MBOAT4: variants seen among roughly 807,000 people sequenced by gnomAD.
The protein encoded by MBOAT4 is membrane bound ghrelin O-acyltransferase MBOAT4, also known as membrane-bound ghrelin O-acyltransferase MBOAT4.
A neutral mutation model predicts 13.2 loss-of-function variants in MBOAT4; 11 were observed. The ratio of observed to expected loss-of-function variants is 0.84; its 90% CI spans 0.53 to 1.38. The LOEUF (loss-of-function observed/expected upper bound fraction) is 1.38, where lower values mean the gene tolerates loss of function less well. Ranked by LOEUF, MBOAT4 falls within the 40% of genes most tolerant of loss-of-function variation. The pLI, the probability that MBOAT4 is intolerant of heterozygous loss-of-function variation, is 0.00. For missense variants in MBOAT4, 481 were observed against 527.2 expected (o/e 0.91, Z 0.86); for synonymous variants, 202 against 210.3 (o/e 0.96, Z 0.34).
chr8:30,137,648 A>G (rs2117543918), intron 2 of MBOAT4: 6 of 642,962 alleles, frequency 9.3e-6, no homozygotes, highest in Middle Eastern at 8.6e-4. Context: ...GACCTAACCA[A>G]CTCCATCTTG....
At chr8:30,143,374 T>A (rs376203121) in intron 1 of MBOAT4, among the ~76,000 whole-genome samples, 1,783 of 142,558 alleles carry the variant, frequency 0.013, 36 homozygotes, top group African/African-American at 0.023. Flanking sequence ...AAAATATATA[T>A]ATATATATAT....
chr8:30,139,350 CT>C (rs1273802133), intron 1 of MBOAT4, among the ~76,000 whole-genome samples: 2 of 152,048 alleles, frequency 1.3e-5, no homozygotes, highest in African/African-American at 2.4e-5. Flanking sequence ...CCGCCTGCCC[CT>C]GACCGTCCTG....
rs932790045 is a variant in MBOAT4 at position 30,131,882 on chromosome 8, C to T, written c.*61G>A. On this transcript the variant is annotated 3_prime_UTR_variant, in exon 3 of 3. Transcript: ENST00000320542. ...AGTTCAAATGTATGCATTATCGATGCGTCATCTGGCACTTTCTAAAATGTT... is the reference window on the plus strand; with the variant it reads ...AGTTCAAATGTATGCATTATCGATGTGTCATCTGGCACTTTCTAAAATGTT... 25 of 1,478,740 alleles carry T rather than the reference C, an allele frequency of 1.7e-5. No individual in the cohort carries two copies. Among genetic ancestry groups the T allele is most frequent in the Admixed American group, 5.1e-5 (2 of 39,436 alleles). The allele number at this position is 1,478,740 out of a possible 1,614,324, so 91.6% of individuals were successfully genotyped here. A position where few individuals can be genotyped will look rare whatever the true frequency, so the allele number is the denominator to read the frequency against.
intron 1 of MBOAT4, among the ~76,000 whole-genome samples, chr8:30,141,204 C>T (rs1803255182): frequency 6.6e-6 from 1 of 152,118 alleles, no homozygotes; most frequent in Non-Finnish European, 1.5e-5. Flanking sequence ...ATGCCTCTCT[C>T]AGAAGCCAAG....
In MBOAT4 at chr8:30,132,218, C is replaced by A. The variant is rs1260508354; in HGVS notation, c.1033G>T (p.Val345Leu). 1 of 1,551,858 alleles carries A rather than the reference C, an allele frequency of 6.4e-7. No homozygotes were observed. The highest frequency in any genetic ancestry group is 8.7e-7 in the Non-Finnish European group (1 of 1,147,040). ...ACGGCCCAGCAAACGAAACCAAACACCTGTCCTGGATGGAGTCCATGCCAC... is the reference window on the plus strand; with the variant it reads ...ACGGCCCAGCAAACGAAACCAAACAACTGTCCTGGATGGAGTCCATGCCAC... The part of the protein sequence containing the change: ...AWWHGLHPGQ[V>L]FGFVCWAVMV... The change falls in exon 3 of 3, where the codon GTG (valine) becomes TTG (leucine). Residue 345 changes from valine to leucine, a missense_variant. Val to Leu is a conservative substitution (Grantham distance 32). Coordinates refer to ENST00000320542, the MANE Select transcript of MBOAT4 (RefSeq NM_001100916.2).
Position 30,138,742 on chromosome 8 carries a change from A to G in MBOAT4, c.134T>C (p.Leu45Pro), listed in dbSNP as rs1200592671. ...CACGGCCAGGGCACCTCCTCCAGTC[A>G]GGAGAAAGAGGTACCTGAAAGAGAA... ...FSTRARYLFLLTGGGALAVAA... is the reference protein window; with the variant it reads ...FSTRARYLFLPTGGGALAVAA... The change falls in exon 2 of 3, where the codon CTG (leucine) becomes CCG (proline). Residue 45 changes from leucine to proline, a missense_variant. Transcript: ENST00000320542. 21 of 1,549,490 alleles carry G rather than the reference A, an allele frequency of 1.4e-5. No homozygotes were observed. The East Asian group carries it at 5.1e-4, about 38-fold the overall frequency.
rs146255946 is a variant in MBOAT4 at position 30,132,697 on chromosome 8, C to T, written c.554G>A (p.Arg185Gln). The change falls in exon 3 of 3, where the codon CGA becomes CAA. Residue 185 changes from arginine (R) to glutamine (Q), a missense_variant. Coordinates refer to ENST00000320542, the MANE Select transcript of MBOAT4 (RefSeq NM_001100916.2). ...LLGGSLCSFQ[R>Q]FQARVQGSSA... ...GGACCCTTGAACACGAGCCTGAAATCGCTGGAAGGAGCACAGAGAGCCTCC... is the reference window on the plus strand; with the variant it reads ...GGACCCTTGAACACGAGCCTGAAATTGCTGGAAGGAGCACAGAGAGCCTCC... 2.6e-6 allele frequency: 4 copies of T among 1,551,554 alleles called. No individual in the cohort carries two copies. Among genetic ancestry groups the T allele is most frequent in the South Asian group, 2.4e-5 (2 of 84,064 alleles).
intron 1 of MBOAT4, 84 bp from the exon 2 acceptor site, chr8:30,138,840 G>T: frequency 9.6e-7 from 1 of 1,040,284 alleles, no homozygotes; most frequent in Non-Finnish European, 1.4e-6. Flanking sequence ...CAGGGAACCC[G>T]ATCTGGTAGG....
intron 1 of MBOAT4, among the ~76,000 whole-genome samples, chr8:30,140,273 T>G (rs966117792): frequency 1.3e-5 from 2 of 152,126 alleles, no homozygotes; most frequent in Non-Finnish European, 2.9e-5. Flanking sequence ...CTGGCCTCAG[T>G]CTTAGACGCT....
chr8:30,137,174 C>A, intron 2 of MBOAT4: 1 of 930,978 alleles, frequency 1.1e-6, no homozygotes, highest in Non-Finnish European at 1.7e-6. Flanking sequence ...ATGAGATCTC[C>A]AGATCACAAA....
rs1027188255 is a variant in MBOAT4, at chr8:30,132,097, T to G, written c.1154A>C (p.His385Pro). ...GATGTAGGCAATGATCAACTGGGTG[T>G]GGGCCCAGGTGAGGGTTCTATAGAA... ...RLFYRTLTWA[H>P]TQLIIAYIML... Residue 385 changes from histidine to proline, a missense_variant, in exon 3 of 3, where the codon CAC becomes CCC. By Grantham distance (77) the His-to-Pro change is moderately conservative. Coordinates refer to ENST00000320542, the MANE Select transcript of MBOAT4 (RefSeq NM_001100916.2). The G allele has an allele frequency of 3.9e-6, 6 of 1,551,678 alleles. No individual in the cohort carries two copies. The highest frequency in any genetic ancestry group is 5.2e-6 in the Non-Finnish European group (6 of 1,146,998).
At chr8:30,141,536 G>T (rs1803260439) in intron 1 of MBOAT4, among the ~76,000 whole-genome samples, 1 of 152,092 alleles carries the variant, frequency 6.6e-6, no homozygotes, top group Non-Finnish European at 1.5e-5. Context: ...TACTCAGGAG[G>T]CTGAGGCAGG....
intron 1 of MBOAT4, 83 bp from the exon 2 acceptor site, chr8:30,138,839 C>A (rs1328562754): frequency 1.8e-6 from 2 of 1,090,686 alleles, no homozygotes; most frequent in Non-Finnish European, 2.7e-6. Context: ...CCAGGGAACC[C>A]GATCTGGTAG....
In MBOAT4 at chr8:30,132,876, G is replaced by C. The variant is rs142693229; in HGVS notation, c.375C>G (p.Leu125=). ...RFCITLSSLM[L]LTQRVTSLSL... is the part of the protein sequence containing the mutation. ...AGAGGGACGTGACCCTCTGGGTCAA[G>C]AGCATGAGAGAAGAAAGAGTGATGC... Residue 125 remains leucine, a synonymous_variant, in exon 3 of 3, where the codon CTC becomes CTG. Coordinates refer to ENST00000320542, the MANE Select transcript of MBOAT4 (RefSeq NM_001100916.2). The C allele has an allele frequency of 3.3e-6, 5 of 1,531,344 alleles. No homozygotes were observed. Among genetic ancestry groups the C allele is most frequent in the Non-Finnish European group, 4.4e-6 (5 of 1,138,488 alleles). 94.9% of individuals were successfully genotyped at this position (1,531,344 alleles called of 1,614,324 possible). A position where few individuals can be genotyped will look rare whatever the true frequency, so the allele number is the denominator to read the frequency against.
Position 30,139,752 on chromosome 8 carries a change from G to C in MBOAT4, c.120-996C>G, listed in dbSNP as rs111240802. 1.7e-3 allele frequency among the ~76,000 whole-genome samples: 261 copies of C among 151,960 alleles called. 4 individuals are homozygous for C. Among genetic ancestry groups the C allele is most frequent in the African/African-American group, 5.3e-3 (220 of 41,454 alleles). On this transcript the variant is annotated intron_variant, in intron 1 of 2. Coordinates refer to ENST00000320542, the MANE Select transcript of MBOAT4 (RefSeq NM_001100916.2). ...GGAGGGAAGATCACTTGAGGCCAGAGTTTGAGACCAGCCTGGGCAATATAG... is the reference window on the plus strand; with the variant it reads ...GGAGGGAAGATCACTTGAGGCCAGACTTTGAGACCAGCCTGGGCAATATAG...
intron 1 of MBOAT4, among the ~76,000 whole-genome samples, chr8:30,142,350 CT>C (rs1436721513): frequency 6.6e-6 from 1 of 151,958 alleles, no homozygotes; most frequent in East Asian, 1.9e-4. Context: ...AGTGAGAAGT[CT>C]TTTTTATTTT....
At chr8:30,134,123 T>C (rs976851126) in intron 2 of MBOAT4, among the ~76,000 whole-genome samples, 2 of 152,186 alleles carry the variant, frequency 1.3e-5, no homozygotes, top group Admixed American at 6.6e-5. Context: ...TATTTTTCTC[T>C]TAAAAAACTT....
In MBOAT4 at chr8:30,131,821, C is replaced by G. The variant is rs139049519; in HGVS notation, c.*122G>C. 1.8e-5 allele frequency: 21 copies of G among 1,176,604 alleles called. No homozygotes were observed. Among genetic ancestry groups the G allele is most frequent in the Non-Finnish European group, 2.4e-5 (21 of 859,162 alleles). The allele number at this position is 1,176,604 out of a possible 1,614,324, so 72.9% of individuals were successfully genotyped here. On this transcript the variant is annotated 3_prime_UTR_variant, in exon 3 of 3. Transcript: ENST00000320542. ...TCCTACTGCAAGTCACTGGGTATATCCATCCAAAACTTTAGAAAAAATTTT... is the reference window on the plus strand; with the variant it reads ...TCCTACTGCAAGTCACTGGGTATATGCATCCAAAACTTTAGAAAAAATTTT...
chr8:30,134,017 C>T (rs905281222), intron 2 of MBOAT4, among the ~76,000 whole-genome samples: 1 of 152,176 alleles, frequency 6.6e-6, no homozygotes, highest in African/African-American at 2.4e-5. Flanking sequence ...AGGTCACCTG[C>T]CCAGCCACTT....
Sources: gnomAD v4.1 joint callset for allele counts (sites outside exome capture counted in the v4.1 genomes callset) on GRCh38, gnomAD v4.1.1 for gene constraint, MANE v1.5 for transcripts, NCBI Gene and HGNC (gene_info 2026-07-23, HGNC 2026-07-21) for gene names.